The following SBF2 variants were observed in gnomAD, a reference collection of about 807,000 sequenced individuals.
SBF2 encodes the protein SET binding factor 2, also known as myotubularin-related protein 13.
SBF2 carries 112 observed loss-of-function variants against 225.2 expected under a neutral mutation model. That is an observed-to-expected ratio of 0.50 (90% CI 0.43 to 0.58). The LOEUF (loss-of-function observed/expected upper bound fraction) is 0.58. Ranked by LOEUF, SBF2 falls within the 20% of genes least tolerant of loss-of-function variation. The pLI is 0.00. For synonymous variants in SBF2, 763 were observed against 773.3 expected (o/e 0.99, Z 0.22); for missense variants, 1,996 against 2,206.2 (o/e 0.90, Z 1.91).
At chr11:10,261,831 C>G (rs1186842396) in intron 1 of SBF2, among the ~76,000 whole-genome samples, 1 of 152,112 alleles carries the variant, frequency 6.6e-6, no homozygotes, top group African/African-American at 2.4e-5. Context: ...TGTGGATATA[C>G]TTCAAAAACA....
At chr11:10,103,814 C>T (rs1952422964) in intron 2 of SBF2, among the ~76,000 whole-genome samples, 1 of 152,150 alleles carries the variant, frequency 6.6e-6, no homozygotes, top group African/African-American at 2.4e-5. Context: ...GGTGCGGTGG[C>T]TCATACCTAT....
chr11:10,047,147 T>C (rs2134697723), intron 2 of SBF2, among the ~76,000 whole-genome samples: 1 of 152,232 alleles, frequency 6.6e-6, no homozygotes, highest in Admixed American at 6.5e-5. Context: ...GAAGAGAGAT[T>C]CTATGTTCAT....
intron 1 of SBF2, among the ~76,000 whole-genome samples, chr11:10,217,218 A>G (rs947957729): frequency 4.6e-5 from 7 of 152,212 alleles, no homozygotes; most frequent in Non-Finnish European, 1.0e-4. Context: ...ATATTGGAGA[A>G]CTAATAGATG....
intron 16 of SBF2, chr11:9,961,488 A>G (rs1452903928): frequency 6.5e-6 from 1 of 154,326 alleles, no homozygotes; most frequent in Admixed American, 6.4e-5. Context: ...CTGAAAGATC[A>G]TACACACATT....
rs371414957 is a variant in SBF2 at position 10,303,967 on chromosome 11, G to T, written n.386+525C>A. 2.6e-5 allele frequency among the ~76,000 whole-genome samples: 4 copies of T among 152,254 alleles called. No individual in the cohort carries two copies. The East Asian group carries it at 5.8e-4, about 22-fold the overall frequency. On this transcript the variant is annotated intron_variant and non_coding_transcript_variant, in intron 1 of 5. Transcript: ENST00000685217. This position sits in a 1 kb window ranked among gnomAD's most constrained non-coding sequence, Gnocchi z 5.2. ...CTCCTTTGCCCCTTGAGAAGTTGGT[G>T]ACCCCAGCCTAGAGGAATCCACGCC...
chr11:10,111,740 G>A (rs568630321), intron 2 of SBF2, among the ~76,000 whole-genome samples: 1 of 152,170 alleles, frequency 6.6e-6, no homozygotes, highest in African/African-American at 2.4e-5. Context: ...AGCTGGGCGC[G>A]GTGGCGCACG....
intron 1 of SBF2, among the ~76,000 whole-genome samples, chr11:10,253,106 A>G (rs1747422010): frequency 7.5e-6 from 1 of 133,314 alleles, no homozygotes; most frequent in Admixed American, 8.8e-5. Context: ...CCTCCACACA[A>G]GAGGTAAATA....
chr11:10,247,880 A>G (rs1959964743), intron 1 of SBF2, among the ~76,000 whole-genome samples: 1 of 152,154 alleles, frequency 6.6e-6, no homozygotes, highest in South Asian at 2.1e-4. Flanking sequence ...TTTTAACTTC[A>G]TATTGTTCAA....
chr11:9,839,428 T>C, intron 26 of SBF2, 70 bp downstream of exon 26: 2 of 1,431,060 alleles, frequency 1.4e-6, no homozygotes, highest in East Asian at 2.3e-5. Flanking sequence ...TGGATGCAAA[T>C]GGCCTATTAA....
intron 2 of SBF2, among the ~76,000 whole-genome samples, chr11:10,065,363 A>G (rs1276620136): frequency 6.6e-6 from 1 of 152,138 alleles, no homozygotes; most frequent in East Asian, 1.9e-4. Context: ...TCAGATGAAG[A>G]GAAAGTTAAA....
rs2134363255 is a variant in SBF2 at position 9,962,001 on chromosome 11, G to A, written c.1816C>T (p.Gln606Ter). The change falls in exon 16 of 40, where the codon CAA becomes TAA. Residue 606 changes from glutamine (Q) to a stop codon, truncating the protein, a stop_gained. Coordinates refer to ENST00000256190, the MANE Select transcript of SBF2 (RefSeq NM_030962.4). LOFTEE classifies it high-confidence loss of function. ...VQQNRAILDH[Q>*]QFDYIIRMMN... ...ATCCTTATTATGTAGTCAAACTGTT[G>A]ATGGTCTAATATTGCCCGGTTTTGC... The A allele has an allele frequency of 6.2e-7, 1 of 1,614,004 alleles. No homozygotes were observed. Among genetic ancestry groups the A allele is most frequent in the South Asian group, 1.1e-5 (1 of 91,084 alleles).
intron 2 of SBF2, among the ~76,000 whole-genome samples, chr11:10,139,704 T>C (rs1954553230): frequency 6.6e-6 from 1 of 152,234 alleles, no homozygotes; most frequent in Admixed American, 6.5e-5. Flanking sequence ...ATAAAAAGGA[T>C]GGTGTTAAGT....
intron 17 of SBF2, among the ~76,000 whole-genome samples, chr11:9,869,151 G>A (rs1487418308): frequency 6.6e-6 from 1 of 152,050 alleles, no homozygotes; most frequent in East Asian, 1.9e-4. Context: ...GCAATAAGTT[G>A]TTTTTCTAGT....
rs1426694515 is a variant in SBF2 at position 9,789,094 on chromosome 11, CT to C, written c.4932+14del. The C allele has an allele frequency of 6.2e-7, 1 of 1,612,304 alleles. No individual in the cohort carries two copies. The highest frequency in any genetic ancestry group is 1.7e-5 in the Admixed American group (1 of 60,016). The stretch of plus-strand genomic sequence containing the variant: ...GCCCCTGGTGCCCCTAGGTGTGTGT[CT>C]ACAGTTGACTTACACTGAAAAGGCT... On this transcript the variant is annotated intron_variant, in intron 35 of 39. Transcript: ENST00000256190.
At chr11:9,827,958 A>G (rs1443238586) in intron 28 of SBF2, among the ~76,000 whole-genome samples, 1 of 152,242 alleles carries the variant, frequency 6.6e-6, no homozygotes, top group Admixed American at 6.5e-5. Context: ...CACAAGGCTA[A>G]GCTCATCTGT....
At chr11:9,900,017 T>C (rs2134148726) in intron 16 of SBF2, among the ~76,000 whole-genome samples, 1 of 142,380 alleles carries the variant, frequency 7.0e-6, no homozygotes, top group African/African-American at 2.8e-5. Flanking sequence ...TAAACAAGGT[T>C]TTCCTTTTCT....
At chr11:10,115,215 A>T (rs1953074875) in intron 2 of SBF2, among the ~76,000 whole-genome samples, 1 of 152,196 alleles carries the variant, frequency 6.6e-6, no homozygotes, top group Non-Finnish European at 1.5e-5. Context: ...GTCATACCAG[A>T]TATGTATACT....
chr11:10,108,332 T>C (rs908559281), intron 2 of SBF2, among the ~76,000 whole-genome samples: 44 of 152,106 alleles, frequency 2.9e-4, no homozygotes, highest in African/African-American at 1.1e-3. Flanking sequence ...CATTGTCTTC[T>C]ACATAGACCC....
chr11:9,829,182 T>C (rs1240071799), intron 28 of SBF2, among the ~76,000 whole-genome samples, 174 bp downstream of exon 28: 2 of 152,220 alleles, frequency 1.3e-5, no homozygotes, highest in African/African-American at 4.8e-5. Flanking sequence ...TAGACATTAA[T>C]AGTGGTAGAT....
Sources: gnomAD v4.1 joint callset for allele counts (sites outside exome capture counted in the v4.1 genomes callset) on GRCh38, gnomAD v4.1.1 for gene constraint, Gnocchi (gnomAD v3.1) non-coding constraint, MANE v1.5 for transcripts, NCBI Gene and HGNC (gene_info 2026-07-23, HGNC 2026-07-21) for gene names.